Variants in GPC5 observed in about 807,000 individuals in gnomAD.
The protein encoded by GPC5 is glypican 5.
In GPC5, 47 loss-of-function variants were observed where a neutral mutation model predicts 53.9. The ratio of observed to expected loss-of-function variants is 0.87; its 90% confidence interval spans 0.69 to 1.11. The LOEUF (loss-of-function observed/expected upper bound fraction) is 1.11, where lower values mean the gene tolerates loss of function less well. Among genes scored for constraint, GPC5 ranks in the 50% most tolerant of loss-of-function variants. The pLI is 0.00. For synonymous variants in GPC5, 286 were observed against 263.3 expected, an observed-to-expected ratio of 1.09 and a Z score of -0.84; for missense variants, 748 against 713.1, an observed-to-expected ratio of 1.05 and a Z score of -0.56.
At position 91,926,017 on chromosome 13, in the gene GPC5, A is replaced by G. The variant is rs543915121; in HGVS notation, c.1401+17960A>G. On this transcript the variant is annotated intron_variant, in intron 6 of 7. Coordinates refer to ENST00000377067, the MANE Select transcript of GPC5 (RefSeq NM_004466.6). ...GACTGAATAACAGGAATATTGAACG[A>G]TGGCACCTTGGTAGCCATCAGCCAT... Among the ~76,000 whole-genome samples, 752 of 152,214 alleles carry G rather than the reference A, an allele frequency of 4.9e-3. 13 individuals are homozygous for G. The highest frequency in any genetic ancestry group is 0.017 in the African/African-American group (715 of 41,486).
intron 2 of GPC5, among the ~76,000 whole-genome samples, chr13:91,572,454 G>T (rs569763037): frequency 1.3e-5 from 2 of 152,144 alleles, no homozygotes; most frequent in South Asian, 2.1e-4. Flanking sequence ...GAAGTGTAGT[G>T]CCAGCATCTG....
intron 5 of GPC5, among the ~76,000 whole-genome samples, chr13:91,804,485 T>C (rs16946808): frequency 6.6e-6 from 1 of 152,058 alleles, no homozygotes; most frequent in Admixed American, 6.6e-5. Flanking sequence ...TTTGGAAAAA[T>C]TTCTTGACAT....
intron 7 of GPC5, among the ~76,000 whole-genome samples, chr13:92,457,438 CA>C (rs1878311850): frequency 1.3e-5 from 2 of 151,902 alleles, no homozygotes; most frequent in Non-Finnish European, 2.9e-5. Context: ...TTGTGAGAAT[CA>C]AAAACATCTC....
rs569376367 is a variant in GPC5, at chr13:92,727,468, A to G, written c.1562-138814A>G. Among the ~76,000 whole-genome samples, 4 of 151,474 alleles carry G rather than the reference A, an allele frequency of 2.6e-5. No individual in the cohort carries two copies. The East Asian group carries it at 7.8e-4, about 30-fold the overall frequency. ...CAAAATGCTTTTCCTTTGCCTCATC[A>G]CAGACCTCCCAGAAATCAAGCCTGC... On this transcript the variant is annotated intron_variant, in intron 7 of 7. Coordinates refer to ENST00000377067, the MANE Select transcript of GPC5 (RefSeq NM_004466.6).
intron 7 of GPC5, among the ~76,000 whole-genome samples, chr13:92,171,670 G>A (rs2042071478): frequency 6.6e-6 from 1 of 152,046 alleles, no homozygotes; most frequent in Non-Finnish European, 1.5e-5. Flanking sequence ...CTTTCATTTA[G>A]TTATTCATTG....
At chr13:92,317,783 G>A (rs1000226670) in intron 7 of GPC5, among the ~76,000 whole-genome samples, 17 of 152,228 alleles carry the variant, frequency 1.1e-4, no homozygotes, top group African/African-American at 3.6e-4. Flanking sequence ...TTACAGGCAT[G>A]AGCCACCGCA....
At chr13:92,398,167 C>T (rs1321672952) in intron 7 of GPC5, among the ~76,000 whole-genome samples, 3 of 152,038 alleles carry the variant, frequency 2.0e-5, no homozygotes, top group African/African-American at 2.4e-5. Context: ...TTCCACTCCA[C>T]GCCTGTAATC....
chr13:92,596,767 A>G (rs1444701058), intron 7 of GPC5, among the ~76,000 whole-genome samples: 1 of 152,182 alleles, frequency 6.6e-6, no homozygotes, highest in Non-Finnish European at 1.5e-5. Flanking sequence ...CCACCGCGCC[A>G]GGTTGTATTC....
At chr13:91,478,822 T>TATATATATATATATATACACAC (rs1323023652) in intron 2 of GPC5, among the ~76,000 whole-genome samples, 3 of 92,154 alleles carry the variant, frequency 3.3e-5, no homozygotes, top group African/African-American at 1.6e-4. Context: ...TATATATATA[T>TATATATATATATATATACACAC]ACACACACAC....
intron 6 of GPC5, among the ~76,000 whole-genome samples, chr13:92,093,247 A>G (rs949625333): frequency 1.6e-4 from 24 of 152,144 alleles, no homozygotes; most frequent in Non-Finnish European, 3.1e-4. Flanking sequence ...AAAATTTATG[A>G]AAGGAGACAG....
chr13:91,449,319 A>G (rs1881023529), intron 2 of GPC5, among the ~76,000 whole-genome samples: 1 of 152,126 alleles, frequency 6.6e-6, no homozygotes, highest in African/African-American at 2.4e-5. Context: ...TTATCTACTA[A>G]AAATTTTTTT....
At chr13:91,961,074 T>G (rs2040121440) in intron 6 of GPC5, among the ~76,000 whole-genome samples, 1 of 151,470 alleles carries the variant, frequency 6.6e-6, no homozygotes, top group Non-Finnish European at 1.5e-5. Flanking sequence ...AACTTCTCCA[T>G]AGAAAAGGAA....
At chr13:92,072,216 T>C (rs1480947797) in intron 6 of GPC5, among the ~76,000 whole-genome samples, 1 of 149,016 alleles carries the variant, frequency 6.7e-6, no homozygotes, top group East Asian at 1.9e-4. Flanking sequence ...TATATAAATA[T>C]ATTTATTTTT....
chr13:92,396,499 GT>G (rs35106111), intron 7 of GPC5, among the ~76,000 whole-genome samples: 3,497 of 136,876 alleles, frequency 0.026, 74 homozygotes, highest in African/African-American at 0.066. Flanking sequence ...TGTTTTTTGT[GT>G]TTTTTTTTTT....
intron 7 of GPC5, among the ~76,000 whole-genome samples, chr13:92,274,889 T>C (rs12860668): frequency 7.9e-5 from 10 of 127,340 alleles, no homozygotes; most frequent in South Asian, 2.2e-4. Context: ...GTGGGGAACA[T>C]TGGGACCATT....
intron 6 of GPC5, among the ~76,000 whole-genome samples, chr13:92,134,040 C>G (rs1385933364): frequency 6.6e-6 from 1 of 152,068 alleles, no homozygotes; most frequent in Non-Finnish European, 1.5e-5. Context: ...TTAATACACT[C>G]TTGGTAGTAT....
At chr13:92,846,226 G>A (rs560031350) in intron 7 of GPC5, among the ~76,000 whole-genome samples, 5 of 152,222 alleles carry the variant, frequency 3.3e-5, no homozygotes, top group African/African-American at 1.2e-4. Flanking sequence ...CAGCTCTAGT[G>A]AGAACTCACT....
chr13:92,547,840 T>TTC (rs1748739638), intron 7 of GPC5, among the ~76,000 whole-genome samples: 1 of 118,496 alleles, frequency 8.4e-6, no homozygotes, highest in Non-Finnish European at 1.9e-5. Flanking sequence ...TTTTTTTTTT[T>TTC]TTTCTTTTTG....
chr13:91,629,052 T>C (rs1433330204), intron 2 of GPC5, among the ~76,000 whole-genome samples: 1 of 152,182 alleles, frequency 6.6e-6, no homozygotes, highest in African/African-American at 2.4e-5. Flanking sequence ...GTAAAATGAT[T>C]TCTCTGGCTT....
Sources: allele counts gnomAD v4.1 joint callset (sites outside exome capture counted in the v4.1 genomes callset), GRCh38; gene constraint gnomAD v4.1.1; transcripts MANE v1.5; gene names NCBI Gene and HGNC (gene_info 2026-07-23, HGNC 2026-07-21).